Variants in ATP4B observed in about 807,000 individuals in gnomAD.
ATP4B encodes the protein potassium-transporting ATPase subunit beta.
In ATP4B, 27 loss-of-function variants were observed where a neutral mutation model predicts 35.3. That is an observed-to-expected ratio of 0.76 (90% CI 0.56 to 1.05). The LOEUF (loss-of-function observed/expected upper bound fraction) is 1.05, where lower values mean the gene tolerates loss of function less well. ATP4B is among the 50% of genes least tolerant of loss of function. The pLI is 0.00. For synonymous variants in ATP4B, 162 were observed against 156.0 expected, an observed-to-expected ratio of 1.04 and a Z score of -0.29; for missense variants, 375 against 384.8, an observed-to-expected ratio of 0.97 and a Z score of 0.21.
Position 113,649,358 on chromosome 13 carries a change from C to T in ATP4B, c.*16G>A. 2 of 1,586,216 alleles carry T rather than the reference C, an allele frequency of 1.3e-6. No individual in the cohort carries two copies. Among genetic ancestry groups the T allele is most frequent in the Non-Finnish European group, 1.7e-6 (2 of 1,164,962 alleles). On this transcript the variant is annotated 3_prime_UTR_variant, in exon 7 of 7. Transcript: ENST00000335288. This position sits in a 1 kb window ranked among gnomAD's most constrained non-coding sequence, Gnocchi z 4.7. Reference sequence around the variant, plus strand: ...GCGACCCCGCAGGCGTGCCCAGGACCCCTGCGCAAACCGTTTCACTTCTCA... The same window carrying T: ...GCGACCCCGCAGGCGTGCCCAGGACTCCTGCGCAAACCGTTTCACTTCTCA...
In ATP4B at chr13:113,650,524, A is replaced by G; in HGVS notation, c.613-17T>C. On this transcript the variant is annotated splice_polypyrimidine_tract_variant and intron_variant, in intron 5 of 6. Transcript: ENST00000335288. The surrounding 1 kb of genome is among the most constrained non-coding windows in gnomAD (Gnocchi z 5.0). ...GGGCTGGTCCTGGGGAGGAGAGGCC[A>G]CTGCCTGAGTCAGGCGGGAGCTGGT... The G allele has an allele frequency of 6.2e-7, 1 of 1,602,500 alleles. No homozygotes were observed. Among genetic ancestry groups the G allele is most frequent in the Non-Finnish European group, 8.5e-7 (1 of 1,173,440 alleles).
intron 5 of ATP4B, among the ~76,000 whole-genome samples, chr13:113,651,201 T>G (rs1423720058): frequency 1.3e-5 from 2 of 152,180 alleles, no homozygotes; most frequent in Non-Finnish European, 2.9e-5. Flanking sequence ...ATTTAAAAAA[T>G]TCAGTTTTAA....
intron 3 of ATP4B, 56 bp from the exon 4 acceptor site, chr13:113,653,128 C>T: frequency 6.4e-7 from 1 of 1,558,942 alleles, no homozygotes. Flanking sequence ...CGCCTGGCTG[C>T]CCCCCGGGAA....
intron 2 of ATP4B, among the ~76,000 whole-genome samples, chr13:113,654,599 G>T (rs9670304): frequency 1.3e-5 from 2 of 152,116 alleles, no homozygotes; most frequent in Admixed American, 6.5e-5. Context: ...CTAAGGGGCC[G>T]CTTATGCCTT....
intron 4 of ATP4B, 54 bp from the exon 5 acceptor site, chr13:113,651,781 G>A (rs1163882590): frequency 6.3e-6 from 10 of 1,593,862 alleles, no homozygotes; most frequent in Non-Finnish European, 8.6e-6. Flanking sequence ...GCCATGTGAG[G>A]TGCACGGCAC....
At chr13:113,656,129 G>A (rs1448657327) in intron 1 of ATP4B, among the ~76,000 whole-genome samples, 2 of 152,178 alleles carry the variant, frequency 1.3e-5, no homozygotes, top group Admixed American at 6.5e-5. Context: ...AGCAGTGTGG[G>A]GCCCGCAGTG....
chr13:113,652,153 C>T (rs1378308830), intron 4 of ATP4B, among the ~76,000 whole-genome samples: 1 of 152,186 alleles, frequency 6.6e-6, no homozygotes, highest in Non-Finnish European at 1.5e-5. Context: ...CACCTCTTCC[C>T]TGGGCTTCTC....
intron 4 of ATP4B, 160 bp downstream of exon 4, chr13:113,652,713 C>T (rs2049721420): frequency 2.6e-6 from 2 of 780,360 alleles, no homozygotes; most frequent in African/African-American, 1.7e-5. Flanking sequence ...CCACACGGGA[C>T]AGGTGCGTGC....
intron 4 of ATP4B, 148 bp downstream of exon 4, chr13:113,652,725 A>T (rs2049721597): frequency 1.1e-6 from 1 of 917,630 alleles, no homozygotes; most frequent in East Asian, 2.6e-5. Flanking sequence ...GGTGCGTGCC[A>T]AACCAAGGTA....
chr13:113,654,847 T>C lies in ATP4B; in HGVS notation c.208A>G (p.Thr70Ala), dbSNP rs1304380662. Residue 70 changes from threonine (T) to alanine (A), a missense_variant, in exon 2 of 7, where the codon ACA (threonine) becomes GCA (alanine). Coordinates refer to ENST00000335288, the MANE Select transcript of ATP4B (RefSeq NM_000705.4). The part of the protein sequence containing the change: ...YVLMQTVDPY[T>A]PDYQDQLRSP... ...CGTAGCTGGTCTTGGTAGTCCGGTGTGTACGGGTCCACTGTCTGCATCAGC... is the reference window on the plus strand; with the variant it reads ...CGTAGCTGGTCTTGGTAGTCCGGTGCGTACGGGTCCACTGTCTGCATCAGC... The C allele has an allele frequency of 2.5e-6, 4 of 1,613,778 alleles. No homozygotes were observed. Among genetic ancestry groups the C allele is most frequent in the African/African-American group, 1.3e-5 (1 of 74,800 alleles).
At chr13:113,657,242 G>T (rs2049762011) in intron 1 of ATP4B, among the ~76,000 whole-genome samples, 1 of 152,202 alleles carries the variant, frequency 6.6e-6, no homozygotes. Context: ...ATTGAGGAGG[G>T]CCTGACCTTC....
intron 2 of ATP4B, among the ~76,000 whole-genome samples, chr13:113,653,762 G>A (rs1324123447): frequency 1.3e-5 from 2 of 152,212 alleles, no homozygotes; most frequent in African/African-American, 4.8e-5. Context: ...ATGTAAAATT[G>A]CATTTGAACA....
At chr13:113,653,232 C>T in intron 3 of ATP4B, 89 bp downstream of exon 3, 1 of 1,355,734 alleles carries the variant, frequency 7.4e-7, no homozygotes. Flanking sequence ...TCACACCTCA[C>T]CCACCCGCCG....
At chr13:113,653,720 A>G (rs924452445) in intron 2 of ATP4B, among the ~76,000 whole-genome samples, 1 of 152,232 alleles carries the variant, frequency 6.6e-6, no homozygotes, top group Non-Finnish European at 1.5e-5. Context: ...GTGACAGGTG[A>G]TGACTAATCC....
At position 113,653,352 on chromosome 13, in the gene ATP4B, G is replaced by T. The variant is rs779302172; in HGVS notation, c.324C>A (p.Asp108Glu). ...GGAAGGCGTGGAGAGTCTGTGTGAG[G>T]TCTGCCCAGGTTCTGTTATCAGAGA... ...YNVSDNRTWA[D>E]LTQTLHAFLA... Residue 108 changes from aspartate (D) to glutamate (E), a missense_variant, in exon 3 of 7, where the codon GAC becomes GAA. Asp to Glu is a conservative substitution (Grantham distance 45). Transcript: ENST00000335288. 10 of 1,614,088 alleles carry T rather than the reference G, an allele frequency of 6.2e-6. No individual in the cohort carries two copies. The East Asian group carries it at 6.7e-5, about 11-fold the overall frequency.
chr13:113,655,858 G>A (rs960562630), intron 1 of ATP4B, among the ~76,000 whole-genome samples: 6 of 152,232 alleles, frequency 3.9e-5, no homozygotes, highest in Non-Finnish European at 7.3e-5. Flanking sequence ...AGAGAAGCAA[G>A]GGAGTGCAGG....
At chr13:113,651,559 G>T in intron 5 of ATP4B, 112 bp downstream of exon 5, 1 of 1,248,658 alleles carries the variant, frequency 8.0e-7, no homozygotes, top group Non-Finnish European at 1.1e-6. Flanking sequence ...TTACTGGGCC[G>T]ACGGCTGACA....
At chr13:113,654,110 T>C (rs1425012503) in intron 2 of ATP4B, among the ~76,000 whole-genome samples, 1 of 152,218 alleles carries the variant, frequency 6.6e-6, no homozygotes, top group Non-Finnish European at 1.5e-5. Context: ...TCCATAAATG[T>C]GGTTTCATTG....
intron 5 of ATP4B, 63 bp downstream of exon 5, chr13:113,651,608 C>A: frequency 1.3e-6 from 2 of 1,491,752 alleles, no homozygotes; most frequent in East Asian, 2.5e-5. Context: ...CCAGCATGAA[C>A]CAGCACGACC....
Sources: allele counts gnomAD v4.1 joint callset (sites outside exome capture counted in the v4.1 genomes callset), GRCh38; gene constraint gnomAD v4.1.1; non-coding constraint Gnocchi (gnomAD v3.1); transcripts MANE v1.5; gene names NCBI Gene and HGNC (gene_info 2026-07-23, HGNC 2026-07-21).